Variants in PDE5A observed in about 807,000 individuals in gnomAD.
The protein encoded by PDE5A is cGMP-specific 3',5'-cyclic phosphodiesterase.
In PDE5A, 67 loss-of-function variants were observed where a neutral mutation model predicts 110.2. That is an observed-to-expected ratio of 0.61 (90% CI 0.50 to 0.75). The LOEUF is 0.75. PDE5A is among the 30% of genes least tolerant of loss of function. The pLI is 0.00. For synonymous variants in PDE5A, 328 were observed against 351.2 expected, an observed-to-expected ratio of 0.93 and a Z score of 0.74; for missense variants, 862 against 1,045.1, an observed-to-expected ratio of 0.82 and a Z score of 2.42.
rs1725087312 is a variant in PDE5A, at chr4:119,496,691, A to AG, written c.*1909_*1910insC. On this transcript the variant is annotated 3_prime_UTR_variant, in exon 21 of 21. Transcript: ENST00000354960. Reference sequence around the variant, plus strand: ...GCTATTCTTTATGCAATTTTTCTATACTAAGGATTTATGTATGCATGCATA... The same window carrying AG: ...GCTATTCTTTATGCAATTTTTCTATAGCTAAGGATTTATGTATGCATGCATA... 6.6e-6 allele frequency: 1 copy of AG among 152,546 alleles called. No individual in the cohort carries two copies. Among genetic ancestry groups the AG allele is most frequent in the Non-Finnish European group, 1.5e-5 (1 of 68,008 alleles). 9.4% of individuals were successfully genotyped at this position (152,546 alleles called of 1,614,324 possible).
chr4:119,523,158 A>T (rs951940725), intron 12 of PDE5A, among the ~76,000 whole-genome samples: 2 of 152,106 alleles, frequency 1.3e-5, no homozygotes, highest in East Asian at 1.9e-4. Context: ...TCAGGCTCTG[A>T]AGAAGAGAAA....
At chr4:119,512,688 G>A (rs1725789613) in intron 14 of PDE5A, 1 of 152,136 alleles carries the variant, frequency 6.6e-6, no homozygotes, top group South Asian at 2.1e-4. Context: ...AAGTATGAAT[G>A]TTAAACTTTC....
chr4:119,538,427 C>G (rs1334038598), intron 11 of PDE5A, among the ~76,000 whole-genome samples: 1 of 152,080 alleles, frequency 6.6e-6, no homozygotes, highest in Non-Finnish European at 1.5e-5. Flanking sequence ...CTCAACCAAG[C>G]CATTCCAAAC....
chr4:119,593,596 A>C (rs1055876485), intron 3 of PDE5A, among the ~76,000 whole-genome samples: 4 of 152,246 alleles, frequency 2.6e-5, no homozygotes, highest in African/African-American at 9.6e-5. Flanking sequence ...GGAGGAGATC[A>C]ACTATGAAGG....
intron 3 of PDE5A, among the ~76,000 whole-genome samples, chr4:119,573,962 C>T (rs1324518112): frequency 6.6e-6 from 1 of 152,078 alleles, no homozygotes; most frequent in Non-Finnish European, 1.5e-5. Context: ...TGCCATGTAA[C>T]AGGCACTTTG....
intron 1 of PDE5A, among the ~76,000 whole-genome samples, chr4:119,625,851 T>C (rs1335948984): frequency 6.6e-6 from 1 of 152,178 alleles, no homozygotes; most frequent in Non-Finnish European, 1.5e-5. Context: ...CATCCTCTTA[T>C]TCACATTTTA....
chr4:119,596,518 C>A lies in PDE5A; in HGVS notation c.831+5G>T. On this transcript the variant is annotated splice_donor_5th_base_variant and intron_variant, in intron 3 of 20. Transcript: ENST00000354960. ...GACCTTTTATAAAATGGAAAATTGG[C>A]TTACCTCTTCCCTATGATTCTTAAT... 1 of 1,529,086 alleles carries A rather than the reference C, an allele frequency of 6.5e-7. No individual in the cohort carries two copies. The highest frequency in any genetic ancestry group is 1.9e-5 in the Admixed American group (1 of 51,444). The allele number at this position is 1,529,086 out of a possible 1,614,324, so 94.7% of individuals were successfully genotyped here. A position where few individuals can be genotyped will look rare whatever the true frequency, so the allele number is the denominator to read the frequency against.
intron 11 of PDE5A, among the ~76,000 whole-genome samples, chr4:119,538,447 C>A (rs543790491): frequency 6.6e-6 from 1 of 152,272 alleles, no homozygotes; most frequent in East Asian, 1.9e-4. Flanking sequence ...CCAAGACCTA[C>A]AACATACATC....
At chr4:119,591,927 G>A (rs1013718812) in intron 3 of PDE5A, among the ~76,000 whole-genome samples, 1 of 151,810 alleles carries the variant, frequency 6.6e-6, no homozygotes, top group South Asian at 2.1e-4. Flanking sequence ...TGAGGCAGGC[G>A]GATCACGAGG....
intron 11 of PDE5A, among the ~76,000 whole-genome samples, chr4:119,531,719 C>T (rs1411113546): frequency 6.6e-6 from 1 of 151,954 alleles, no homozygotes; most frequent in African/African-American, 2.4e-5. Context: ...CACCTATTGC[C>T]ACTATGAGCA....
In PDE5A at chr4:119,497,482, T is replaced by C. The variant is rs1725117006; in HGVS notation, c.*1119A>G. 6.6e-6 allele frequency: 1 copy of C among 152,142 alleles called. No individual in the cohort carries two copies. Among genetic ancestry groups the C allele is most frequent in the Admixed American group, 6.6e-5 (1 of 15,264 alleles). The allele number at this position is 152,142 out of a possible 1,614,324, so 9.4% of individuals were successfully genotyped here. ...ATTCACATCCAGGATTCTCTGGATC[T>C]CAGTTGACTTGTCCTATACATCAAA... On this transcript the variant is annotated 3_prime_UTR_variant, in exon 21 of 21. Coordinates refer to ENST00000354960, the MANE Select transcript of PDE5A (RefSeq NM_001083.4).
chr4:119,519,459 TTG>T (rs869255359), intron 13 of PDE5A: 10 of 236,370 alleles, frequency 4.2e-5, no homozygotes, highest in African/African-American at 1.4e-4. Context: ...CTTTAAATAA[TTG>T]TTTTTTTCCT....
rs61729464 is a variant in PDE5A at position 119,511,122 on chromosome 4, T to G, written c.2013A>C (p.Pro671=). The change falls in exon 15 of 21, where the codon CCA becomes CCC. Residue 671 remains proline (P), a synonymous_variant. Coordinates refer to ENST00000354960, the MANE Select transcript of PDE5A (RefSeq NM_001083.4). ...NNSYIQRSEH[P]LAQLYCHSIM... ...TTGAATGGCAGTAAAGCTGGGCAAG[T>G]GGATGTTCACTTCTGAAAGTATTTT... 2.9e-3 allele frequency: 4,653 copies of G among 1,607,088 alleles called. 104 individuals carry two copies. The African/African-American group carries it at 0.053, about 18-fold the overall frequency.
Position 119,552,637 on chromosome 4 carries a change from T to C in PDE5A, c.1309A>G (p.Thr437Ala). ...VSKDKRFPWT[T>A]ENTGNVNQQC... is the part of the protein sequence containing the mutation. ...TGGTTTACATTTCCTGTATTTTCAG[T>C]CTAAACAAAAATAAAAAGAACAAAA... The change falls in exon 9 of 21, where the codon ACT (threonine) becomes GCT (alanine). Residue 437 changes from threonine to alanine, a missense_variant and splice_region_variant. Coordinates refer to ENST00000354960, the MANE Select transcript of PDE5A (RefSeq NM_001083.4). 6.6e-7 allele frequency: 1 copy of C among 1,511,586 alleles called. No individual in the cohort carries two copies. Among genetic ancestry groups the C allele is most frequent in the African/African-American group, 1.4e-5 (1 of 70,922 alleles). The allele number at this position is 1,511,586 out of a possible 1,614,324, so 93.6% of individuals were successfully genotyped here. A position where few individuals can be genotyped will look rare whatever the true frequency, so the allele number is the denominator to read the frequency against.
intron 3 of PDE5A, among the ~76,000 whole-genome samples, chr4:119,591,926 C>T (rs184742992): frequency 1.1e-4 from 16 of 151,482 alleles, no homozygotes; most frequent in South Asian, 2.1e-4. Context: ...CTGAGGCAGG[C>T]GGATCACGAG....
At chr4:119,564,904 A>G (rs1437279417) in intron 5 of PDE5A, among the ~76,000 whole-genome samples, 1 of 152,112 alleles carries the variant, frequency 6.6e-6, no homozygotes, top group Non-Finnish European at 1.5e-5. Flanking sequence ...GTAGTTGGGA[A>G]AAAGAGATAA....
In PDE5A at chr4:119,505,938, A is replaced by AT. The variant is rs778119336; in HGVS notation, c.2190-7dup. The stretch of plus-strand genomic sequence containing the variant: ...CAAAAAATTCTCCTCGCCTCCTACA[A>AT]TGTTTAAAAAAAAATTGTTAGTTAT... On this transcript the variant is annotated splice_region_variant and splice_polypyrimidine_tract_variant and intron_variant, in intron 16 of 20. Coordinates refer to ENST00000354960, the MANE Select transcript of PDE5A (RefSeq NM_001083.4). 6.6e-7 allele frequency: 1 copy of AT among 1,523,198 alleles called. No individual in the cohort carries two copies. Among genetic ancestry groups the AT allele is most frequent in the Admixed American group, 2.0e-5 (1 of 49,288 alleles). The allele number at this position is 1,523,198 out of a possible 1,614,324, so 94.4% of individuals were successfully genotyped here.
chr4:119,612,936 C>A lies in PDE5A; in HGVS notation c.153-5639G>T, dbSNP rs76095823. Among the ~76,000 whole-genome samples the A allele has an allele frequency of 9.8e-3, 1,493 of 152,250 alleles. 29 individuals are homozygous for A. Among genetic ancestry groups the A allele is most frequent in the East Asian group, 0.079 (410 of 5,188 alleles). On this transcript the variant is annotated intron_variant, in intron 1 of 20. Coordinates refer to ENST00000354960, the MANE Select transcript of PDE5A (RefSeq NM_001083.4). ...AAGCCACTGACAATTAAGAGTTATG[C>A]CCAATTAAAGACCAGTTAACAATTG...
At position 119,590,115 on chromosome 4, in the gene PDE5A, T is replaced by C. The variant is rs577593945; in HGVS notation, c.831+6408A>G. Among the ~76,000 whole-genome samples the C allele has an allele frequency of 5.3e-5, 8 of 152,318 alleles. No homozygotes were observed. In the South Asian group the frequency reaches 6.2e-4, roughly 12 times the overall value. On this transcript the variant is annotated intron_variant, in intron 3 of 20. Transcript: ENST00000354960. ...TTTGAATCTCAGCTTTGCCAGTTTT[T>C]AGTTATGTGACTTTGAGCAAGTTCC...
Sources: gnomAD v4.1 joint callset for allele counts (sites outside exome capture counted in the v4.1 genomes callset) on GRCh38, gnomAD v4.1.1 for gene constraint, MANE v1.5 for transcripts, NCBI Gene and HGNC (gene_info 2026-07-23, HGNC 2026-07-21) for gene names.